The following UBE2L6 variants were observed in gnomAD, a reference collection of about 807,000 sequenced individuals.
UBE2L6 encodes the protein ubiquitin/ISG15-conjugating enzyme E2 L6.
A neutral mutation model predicts 13.6 loss-of-function variants in UBE2L6; 11 were observed. The observed-to-expected ratio is 0.81, with a 90% CI of 0.51 to 1.34. UBE2L6 has a LOEUF of 1.34. Ranked by LOEUF, UBE2L6 falls within the 40% of genes most tolerant of loss-of-function variation. The probability of loss-of-function intolerance (pLI) is 0.00; values close to 1 mark genes in which losing one functional copy is unlikely to be tolerated. For missense variants in UBE2L6, 197 were observed against 199.5 expected, an observed-to-expected ratio of 0.99 and a Z score of 0.07; for synonymous variants, 74 against 83.2, an observed-to-expected ratio of 0.89 and a Z score of 0.60.
intron 1 of UBE2L6, among the ~76,000 whole-genome samples, chr11:57,561,207 G>A (rs1945043758): frequency 6.6e-6 from 1 of 152,132 alleles, no homozygotes; most frequent in Non-Finnish European, 1.5e-5. Context: ...TTCAAACTCT[G>A]CCAGATCAGG....
chr11:57,559,834 T>C (rs1429532348), intron 2 of UBE2L6, among the ~76,000 whole-genome samples: 1 of 152,226 alleles, frequency 6.6e-6, no homozygotes, highest in Non-Finnish European at 1.5e-5. Flanking sequence ...AGAGAGACTT[T>C]ATCAAGAAAA....
In UBE2L6 at chr11:57,560,435, G is replaced by A. The variant is rs1020284162; in HGVS notation, c.28-3C>T. 1.2e-6 allele frequency: 2 copies of A among 1,610,792 alleles called. No individual in the cohort carries two copies. The highest frequency in any genetic ancestry group is 8.5e-7 in the Non-Finnish European group (1 of 1,177,976). ...TTCTTCTGAAGATCCTCCAGCTCCTGCAGGGGACACAAGTGAGTGGGCAGT... is the reference window on the plus strand; with the variant it reads ...TTCTTCTGAAGATCCTCCAGCTCCTACAGGGGACACAAGTGAGTGGGCAGT... On this transcript the variant is annotated splice_polypyrimidine_tract_variant and splice_region_variant and intron_variant, in intron 1 of 3. Transcript: ENST00000287156.
chr11:57,564,878 T>C (rs1293771719), intron 1 of UBE2L6, among the ~76,000 whole-genome samples: 1 of 151,490 alleles, frequency 6.6e-6, no homozygotes, highest in African/African-American at 2.4e-5. Context: ...ATATCTTAAG[T>C]AGAAAGAGGA....
In UBE2L6 at chr11:57,552,473, T is replaced by C; in HGVS notation, c.347A>G (p.Asn116Ser). The C allele has an allele frequency of 6.2e-7, 1 of 1,614,164 alleles. No homozygotes were observed. Among genetic ancestry groups the C allele is most frequent in the Non-Finnish European group, 8.5e-7 (1 of 1,180,020 alleles). Reference protein sequence around the residue: ...EALNVLVNRPNIREPLRMDLA... With the variant: ...EALNVLVNRPSIREPLRMDLA... ...GTCCATCCGCAGGGGCTCCCTGATATTCGGTCTATTCACCAGCACATTGAG... is the reference window on the plus strand; with the variant it reads ...GTCCATCCGCAGGGGCTCCCTGATACTCGGTCTATTCACCAGCACATTGAG... The change falls in exon 4 of 4, where the codon AAT (asparagine) becomes AGT (serine). Residue 116 changes from asparagine (N) to serine (S), a missense_variant. Coordinates refer to ENST00000287156, the MANE Select transcript of UBE2L6 (RefSeq NM_004223.5).
At chr11:57,556,592 CAAAAAA>C (rs368936864) in intron 2 of UBE2L6, among the ~76,000 whole-genome samples, 19 of 73,690 alleles carry the variant, frequency 2.6e-4, no homozygotes, top group African/African-American at 1.0e-3. Context: ...AACTCCGTCT[CAAAAAA>C]AAAAAAAAAA....
chr11:57,552,640 AC>A, intron 3 of UBE2L6, 131 bp from the exon 4 acceptor site: 1 of 1,152,710 alleles, frequency 8.7e-7, no homozygotes, highest in Non-Finnish European at 1.2e-6. Context: ...TTACTCTACG[AC>A]CAGATCAAAC....
chr11:57,561,152 G>A (rs536630052), intron 1 of UBE2L6, among the ~76,000 whole-genome samples: 15 of 152,094 alleles, frequency 9.9e-5, no homozygotes, highest in Non-Finnish European at 1.8e-4. Context: ...TCTTCCTTCC[G>A]TAAGCATCGA....
intron 2 of UBE2L6, among the ~76,000 whole-genome samples, chr11:57,556,781 A>G (rs1945001355): frequency 6.6e-6 from 1 of 151,942 alleles, no homozygotes. Flanking sequence ...CTCAAATCTC[A>G]GGTTGAAATT....
chr11:57,567,752 C>T, upstream of UBE2L6: 1 of 1,007,088 alleles, frequency 9.9e-7, no homozygotes, highest in Non-Finnish European at 1.4e-6. Flanking sequence ...GCGTGGGCCT[C>T]CCCGCACCCG....
chr11:57,567,636 G>C lies in UBE2L6; in HGVS notation c.-25C>G. 1.2e-6 allele frequency: 2 copies of C among 1,603,302 alleles called. No homozygotes were observed. The highest frequency in any genetic ancestry group is 8.5e-7 in the Non-Finnish European group (1 of 1,175,916). ...TGTCGGGACCGAGTGTGTGGCACCC[G>C]TGGCCTCCAGCAGGACCGAGCTCCG... On this transcript the variant is annotated 5_prime_UTR_variant, in exon 1 of 4. Transcript: ENST00000287156.
chr11:57,567,618 A>G lies in UBE2L6; in HGVS notation c.-7T>C. ...CTCGCATGCTCGCCATCATGTCGGG[A>G]CCGAGTGTGTGGCACCCGTGGCCTC... On this transcript the variant is annotated 5_prime_UTR_variant, in exon 1 of 4. Coordinates refer to ENST00000287156, the MANE Select transcript of UBE2L6 (RefSeq NM_004223.5). 1 of 1,607,480 alleles carries G rather than the reference A, an allele frequency of 6.2e-7. No individual in the cohort carries two copies.
intron 1 of UBE2L6, chr11:57,567,337 G>A (rs1945100509): frequency 6.7e-6 from 4 of 595,760 alleles, no homozygotes; most frequent in Non-Finnish European, 1.2e-5. Context: ...AGTTTTGGGG[G>A]AGCCGGCTCA....
chr11:57,560,270 C>T, intron 2 of UBE2L6, 67 bp downstream of exon 2: 2 of 1,325,894 alleles, frequency 1.5e-6, no homozygotes, highest in South Asian at 1.2e-5. Flanking sequence ...TAGTCCTAAC[C>T]CTCCCTGCCC....
chr11:57,552,826 T>G (rs1944969787), intron 3 of UBE2L6, among the ~76,000 whole-genome samples: 1 of 152,196 alleles, frequency 6.6e-6, no homozygotes, highest in Non-Finnish European at 1.5e-5. Flanking sequence ...TTTCCTCCAT[T>G]ATATTGGTAG....
At chr11:57,560,740 C>T (rs1034376761) in intron 1 of UBE2L6, among the ~76,000 whole-genome samples, 1 of 151,950 alleles carries the variant, frequency 6.6e-6, no homozygotes, top group Non-Finnish European at 1.5e-5. Flanking sequence ...CCTGCCTCAG[C>T]CTCCCGAGTA....
Position 57,552,469 on chromosome 11 carries a change from G to A in UBE2L6, c.351C>T (p.Ile117=). 3 of 1,614,194 alleles carry A rather than the reference G, an allele frequency of 1.9e-6. No individual in the cohort carries two copies. Among genetic ancestry groups the A allele is most frequent in the Non-Finnish European group, 2.5e-6 (3 of 1,180,030 alleles). The change falls in exon 4 of 4, where the codon ATC becomes ATT. Residue 117 remains isoleucine, a synonymous_variant. Coordinates refer to ENST00000287156, the MANE Select transcript of UBE2L6 (RefSeq NM_004223.5). The part of the protein sequence containing the change: ...ALNVLVNRPN[I]REPLRMDLAD... ...CGAGGTCCATCCGCAGGGGCTCCCT[G>A]ATATTCGGTCTATTCACCAGCACAT...
In UBE2L6 at chr11:57,552,382, T is replaced by G; in HGVS notation, c.438A>C (p.Arg146=). 1 of 1,614,222 alleles carries G rather than the reference T, an allele frequency of 6.2e-7. No homozygotes were observed. The highest frequency in any genetic ancestry group is 8.5e-7 in the Non-Finnish European group (1 of 1,180,056). The part of the protein sequence containing the change: ...FRKNAEEFTL[R]FGVDRPS ...GTTAGGAGGGCCGGTCCACTCCGAA[T>G]CGGAGGGTGAACTCTTCGGCATTCT... The change falls in exon 4 of 4, where the codon CGA becomes CGC. Residue 146 remains arginine, a synonymous_variant. Transcript: ENST00000287156.
chr11:57,565,356 GTTTTTTTTTTT>G (rs370848897), intron 1 of UBE2L6, among the ~76,000 whole-genome samples: 4 of 98,146 alleles, frequency 4.1e-5, no homozygotes, highest in Admixed American at 2.6e-4. Flanking sequence ...TGTATTAGTT[GTTTTTTTTTTT>G]TTTTTTTTTT....
rs150426960 is a variant in UBE2L6, at chr11:57,563,557, T to C, written c.28-3125A>G. Among the ~76,000 whole-genome samples the C allele has an allele frequency of 7.1e-4, 107 of 149,714 alleles. No homozygotes were observed. In the East Asian group the frequency reaches 0.015, roughly 20 times the overall value. Reference sequence around the variant, plus strand: ...ACGCATCAGTCTTTTAACAGCAGAATTGATCAAGCAGAAGAACTAGAGTGT... The same window carrying C: ...ACGCATCAGTCTTTTAACAGCAGAACTGATCAAGCAGAAGAACTAGAGTGT... On this transcript the variant is annotated intron_variant, in intron 1 of 3. Transcript: ENST00000287156.
Sources: gnomAD v4.1 joint callset for allele counts (sites outside exome capture counted in the v4.1 genomes callset) on GRCh38, gnomAD v4.1.1 for gene constraint, MANE v1.5 for transcripts, NCBI Gene and HGNC (gene_info 2026-07-23, HGNC 2026-07-21) for gene names.